Variants in MIPOL1 observed in about 807,000 individuals in gnomAD.
MIPOL1 encodes mirror-image polydactyly gene 1 protein.
Under a neutral mutation model 60.9 loss-of-function variants are expected in MIPOL1, and 57 were observed. The ratio of observed to expected loss-of-function variants is 0.94; its 90% CI spans 0.76 to 1.17. The LOEUF (loss-of-function observed/expected upper bound fraction) is 1.17. Ranked by LOEUF, MIPOL1 falls within the 50% of genes most tolerant of loss-of-function variation. The pLI, the probability that MIPOL1 is intolerant of heterozygous loss-of-function variation, is 0.00. For missense variants in MIPOL1, 551 were observed against 511.6 expected, an observed-to-expected ratio of 1.08 and a Z score of -0.74; for synonymous variants, 179 against 168.8, an observed-to-expected ratio of 1.06 and a Z score of -0.47.
chr14:37,441,738 A>G (rs2094249072), intron 11 of MIPOL1, among the ~76,000 whole-genome samples: 1 of 151,884 alleles, frequency 6.6e-6, no homozygotes, highest in Non-Finnish European at 1.5e-5. Context: ...GGATTACTTT[A>G]GTTATTCATA....
At chr14:37,506,208 A>G (rs971186211) in intron 12 of MIPOL1, 28 of 152,208 alleles carry the variant, frequency 1.8e-4, no homozygotes, top group African/African-American at 6.5e-4. Flanking sequence ...TGCCATTCCC[A>G]TCAAGCTACC....
intron 9 of MIPOL1, among the ~76,000 whole-genome samples, chr14:37,310,287 A>G (rs2087205055): frequency 6.6e-6 from 1 of 152,092 alleles, no homozygotes; most frequent in South Asian, 2.1e-4. Context: ...ATGACCAACT[A>G]TTAATATATT....
intron 10 of MIPOL1, among the ~76,000 whole-genome samples, chr14:37,374,847 G>C (rs1159411178): frequency 6.6e-6 from 1 of 152,100 alleles, no homozygotes; most frequent in Non-Finnish European, 1.5e-5. Flanking sequence ...TTTTGCTTAG[G>C]ATTGTCTTGG....
At chr14:37,526,031 A>G (rs1179803600) in intron 12 of MIPOL1, among the ~76,000 whole-genome samples, 1 of 152,170 alleles carries the variant, frequency 6.6e-6, no homozygotes, top group Non-Finnish European at 1.5e-5. Flanking sequence ...CTTCTTTATC[A>G]TAGTATTTCT....
intron 11 of MIPOL1, among the ~76,000 whole-genome samples, chr14:37,492,771 A>G (rs113154542): frequency 0.018 from 2,739 of 152,210 alleles, 81 homozygotes; most frequent in African/African-American, 0.061. Context: ...TTGTTGACAT[A>G]GTGGTCTGGA....
chr14:37,533,427 T>A lies in MIPOL1; in HGVS notation c.1263-13478T>A, dbSNP rs533048815. Reference sequence around the variant, plus strand: ...ATTTAAGAAGGAAACAACTTATCACTCTTAATTTTTAACAAAAGACACTCT... The same window carrying A: ...ATTTAAGAAGGAAACAACTTATCACACTTAATTTTTAACAAAAGACACTCT... On this transcript the variant is annotated intron_variant, in intron 12 of 12. Transcript: ENST00000684589. Among the ~76,000 whole-genome samples, 6 of 152,288 alleles carry A rather than the reference T, an allele frequency of 3.9e-5. No individual in the cohort carries two copies. In the South Asian group the frequency reaches 1.2e-3, roughly 32 times the overall value.
At chr14:37,506,278 G>T (rs1452220745) in intron 12 of MIPOL1, 1 of 152,080 alleles carries the variant, frequency 6.6e-6, no homozygotes, top group East Asian at 1.9e-4. Flanking sequence ...AACCAAAAAA[G>T]AGCCCATAGC....
intron 11 of MIPOL1, among the ~76,000 whole-genome samples, chr14:37,477,242 A>T (rs1397943675): frequency 1.3e-5 from 2 of 151,910 alleles, no homozygotes; most frequent in African/African-American, 4.8e-5. Flanking sequence ...AGCCTCATTA[A>T]TTGAATTAGA....
chr14:37,406,384 CA>C (rs1371918679), intron 10 of MIPOL1, among the ~76,000 whole-genome samples: 1 of 152,128 alleles, frequency 6.6e-6, no homozygotes, highest in East Asian at 1.9e-4. Context: ...AAAAAACATA[CA>C]CGATCCTGAA....
chr14:37,491,473 G>T (rs1278870596), intron 11 of MIPOL1, among the ~76,000 whole-genome samples: 1 of 152,154 alleles, frequency 6.6e-6, no homozygotes, highest in Non-Finnish European at 1.5e-5. Flanking sequence ...AGGTTGCAGT[G>T]AGCTGAGATC....
chr14:37,478,129 C>T (rs749556447), intron 11 of MIPOL1, among the ~76,000 whole-genome samples: 8 of 152,034 alleles, frequency 5.3e-5, no homozygotes, highest in Non-Finnish European at 8.8e-5. Flanking sequence ...TGACCTGTGT[C>T]ACAGAAGGAT....
intron 9 of MIPOL1, among the ~76,000 whole-genome samples, chr14:37,332,343 G>C (rs2089767276): frequency 6.6e-6 from 1 of 151,948 alleles, no homozygotes; most frequent in African/African-American, 2.4e-5. Flanking sequence ...TCAGTCTGTT[G>C]ATGCAATGTA....
chr14:37,539,666 A>G (rs74045657), intron 12 of MIPOL1, among the ~76,000 whole-genome samples: 1,715 of 152,284 alleles, frequency 0.011, 30 homozygotes, highest in African/African-American at 0.039. Context: ...AGATACAACA[A>G]TTTTCTTAAC....
chr14:37,243,202 AG>A (rs1594695058), intron 1 of MIPOL1, among the ~76,000 whole-genome samples: 2 of 150,378 alleles, frequency 1.3e-5, no homozygotes, highest in African/African-American at 5.0e-5. Flanking sequence ...GCTGTGGTAC[AG>A]GGCCACTATT....
chr14:37,264,390 C>A (rs925918275), intron 3 of MIPOL1, among the ~76,000 whole-genome samples: 6 of 151,330 alleles, frequency 4.0e-5, no homozygotes, highest in African/African-American at 1.5e-4. Context: ...CTTTGGGAGG[C>A]AGAGGCAGGA....
At chr14:37,525,338 G>C (rs996581883) in intron 12 of MIPOL1, among the ~76,000 whole-genome samples, 1 of 152,138 alleles carries the variant, frequency 6.6e-6, no homozygotes, top group Admixed American at 6.5e-5. Flanking sequence ...ATCTTTCTCC[G>C]ACTTGGGTGA....
chr14:37,351,608 G>T (rs1362455372), intron 9 of MIPOL1, among the ~76,000 whole-genome samples: 2 of 143,998 alleles, frequency 1.4e-5, no homozygotes, highest in African/African-American at 5.2e-5. Flanking sequence ...ATTCTAACTG[G>T]TGTGAGATGG....
chr14:37,217,143 G>A (rs1368911395), intron 1 of MIPOL1, among the ~76,000 whole-genome samples: 1 of 152,112 alleles, frequency 6.6e-6, no homozygotes, highest in African/African-American at 2.4e-5. Context: ...ATTGGAAAAT[G>A]TAAGAGAAAT....
chr14:37,546,947 C>T lies in MIPOL1; in HGVS notation c.1305C>T (p.Thr435=), dbSNP rs371852948. 13 of 1,600,482 alleles carry T rather than the reference C, an allele frequency of 8.1e-6. No homozygotes were observed. Among genetic ancestry groups the T allele is most frequent in the Admixed American group, 3.4e-5 (2 of 59,472 alleles). ...ATGTACTGAGGAAGAAGGTTGGAAC[C>T]GGGACCATGAGGACAGTGATCTGAT... The part of the protein sequence containing the change: ...LVDVLRKKVG[T]GTMRTVI The change falls in exon 13 of 13, where the codon ACC becomes ACT. Residue 435 remains threonine (T), a synonymous_variant. Transcript: ENST00000684589.
Sources: allele counts gnomAD v4.1 joint callset (sites outside exome capture counted in the v4.1 genomes callset), GRCh38; gene constraint gnomAD v4.1.1; transcripts MANE v1.5; gene names NCBI Gene and HGNC (gene_info 2026-07-23, HGNC 2026-07-21).